NOL11: variants seen among roughly 807,000 people sequenced by gnomAD.
NOL11 encodes the protein nucleolar protein 11.
Under a neutral mutation model 93.0 loss-of-function variants are expected in NOL11, and 42 were observed. The ratio of observed to expected loss-of-function variants is 0.45; its 90% CI spans 0.35 to 0.58. The LOEUF (loss-of-function observed/expected upper bound fraction) is 0.58. Among genes scored for constraint, NOL11 ranks in the 20% least tolerant of loss-of-function variants. The pLI is 0.00. For synonymous variants in NOL11, 296 were observed against 293.7 expected (o/e 1.01, Z -0.08); for missense variants, 775 against 841.8 (o/e 0.92, Z 0.98).
At chr17:67,733,365 AAAAC>A (rs1476247471) in intron 7 of NOL11, among the ~76,000 whole-genome samples, 5 of 152,164 alleles carry the variant, frequency 3.3e-5, no homozygotes, top group South Asian at 4.1e-4. Flanking sequence ...ACTCTGTCTC[AAAAC>A]AAACAAACAA....
intron 1 of NOL11, chr17:67,719,406 G>C (rs554638128): frequency 2.9e-5 from 7 of 242,858 alleles, no homozygotes; most frequent in Non-Finnish European, 5.7e-5. Flanking sequence ...GGTTACAGGC[G>C]CACGCCACCA....
Position 67,724,183 on chromosome 17 carries a change from GA to G in NOL11, c.655del (p.Met219CysfsTer3). ...ASVDRKFISL[M>X]SLSSDGCIYE... ...CTGTAGATCGGAAATTCATCTCTTT[GA>G]TGTCATTAAGTAAGTTTTCTTTCTT... is the stretch of plus-strand genomic sequence containing the variant. On this transcript the variant is annotated frameshift_variant, in exon 6 of 18. Transcript: ENST00000253247. LOFTEE classifies it high-confidence loss of function. The G allele has an allele frequency of 6.4e-7, 1 of 1,560,166 alleles. No individual in the cohort carries two copies. Among genetic ancestry groups the G allele is most frequent in the Non-Finnish European group, 8.7e-7 (1 of 1,152,630 alleles).
At chr17:67,737,014 A>G in intron 10 of NOL11, 57 bp from the exon 11 acceptor site, 1 of 1,131,450 alleles carries the variant, frequency 8.8e-7, no homozygotes, top group South Asian at 1.3e-5. Context: ...ATCCCTCTAA[A>G]TGTGTATTGG....
At position 67,724,045 on chromosome 17, in the gene NOL11, G is replaced by A. The variant is rs1484324804; in HGVS notation, c.520-4G>A. 2 of 1,478,574 alleles carry A rather than the reference G, an allele frequency of 1.4e-6. No homozygotes were observed. Among genetic ancestry groups the A allele is most frequent in the Non-Finnish European group, 1.8e-6 (2 of 1,107,920 alleles). 91.6% of individuals were successfully genotyped at this position (1,478,574 alleles called of 1,614,324 possible). On this transcript the variant is annotated splice_region_variant and splice_polypyrimidine_tract_variant and intron_variant, in intron 5 of 17. Coordinates refer to ENST00000253247, the MANE Select transcript of NOL11 (RefSeq NM_015462.5). ...ATTTATAAAATAACCTTTTTTTTTTGCAGCATGGAAATTACTTTGCTTACG... is the reference window on the plus strand; with the variant it reads ...ATTTATAAAATAACCTTTTTTTTTTACAGCATGGAAATTACTTTGCTTACG...
intron 16 of NOL11, among the ~76,000 whole-genome samples, chr17:67,742,818 T>C (rs527386309): frequency 2.0e-5 from 3 of 152,370 alleles, no homozygotes; most frequent in Non-Finnish European, 4.4e-5. Context: ...TTCTGGTTTA[T>C]GGCAACTCAT....
In NOL11 at chr17:67,726,560, A is replaced by C. The variant is rs1373351510; in HGVS notation, c.765A>C (p.Val255=). Reference sequence around the variant, plus strand: ...AATCACTGCTGCTCAAGGCTGTTGTATCTGGTAACGCTCGAAATGGAGTTG... The same window carrying C: ...AATCACTGCTGCTCAAGGCTGTTGTCTCTGGTAACGCTCGAAATGGAGTTG... The part of the protein sequence containing the change: ...LVKSLLLKAV[V]SGNARNGVAL... The change falls in exon 7 of 18, where the codon GTA becomes GTC. Residue 255 remains valine, a synonymous_variant. Transcript: ENST00000253247. 6.2e-7 allele frequency: 1 copy of C among 1,614,048 alleles called. No homozygotes were observed. The highest frequency in any genetic ancestry group is 1.3e-5 in the African/African-American group (1 of 74,930).
At position 67,719,720 on chromosome 17, in the gene NOL11, A is replaced by G; in HGVS notation, c.188A>G (p.Gln63Arg). 1 of 1,610,656 alleles carries G rather than the reference A, an allele frequency of 6.2e-7. No homozygotes were observed. The highest frequency in any genetic ancestry group is 1.1e-5 in the South Asian group (1 of 90,840). The change falls in exon 2 of 18, where the codon CAA becomes CGA. Residue 63 changes from glutamine (Q) to arginine (R), a missense_variant. Physicochemically the swap from Gln to Arg is conservative, Grantham distance 43. Coordinates refer to ENST00000253247, the MANE Select transcript of NOL11 (RefSeq NM_015462.5). The part of the protein sequence containing the change: ...PLGSWSVKQG[Q>R]IITCPAVCNF... ...GGGAGCTGGTCAGTGAAACAAGGTC[A>G]AATTATAACATGTCCAGCTGTGTGC...
chr17:67,732,943 T>A (rs1046756258), intron 7 of NOL11, among the ~76,000 whole-genome samples: 1 of 152,116 alleles, frequency 6.6e-6, no homozygotes, highest in African/African-American at 2.4e-5. Flanking sequence ...ATGTTGATCT[T>A]GTACCCTGCA....
chr17:67,743,272 A>T, intron 16 of NOL11: 1 of 352,886 alleles, frequency 2.8e-6, no homozygotes, highest in Non-Finnish European at 5.1e-6. Flanking sequence ...CATCTCTAAA[A>T]TTTTTTTTAA....
intron 5 of NOL11, among the ~76,000 whole-genome samples, 184 bp downstream of exon 5, chr17:67,722,821 A>G (rs555365349): frequency 6.6e-6 from 1 of 152,104 alleles, no homozygotes; most frequent in Admixed American, 6.5e-5. Flanking sequence ...GTTGCCTCGT[A>G]GCTGGGACTA....
intron 5 of NOL11, among the ~76,000 whole-genome samples, chr17:67,723,003 A>C (rs1329099170): frequency 8.8e-6 from 1 of 113,436 alleles, no homozygotes; most frequent in African/African-American, 3.2e-5. Flanking sequence ...GAAATTTCAA[A>C]ACTTTTTTTT....
chr17:67,718,154 G>A (rs1290854593), intron 1 of NOL11, 66 bp downstream of exon 1: 6 of 1,581,052 alleles, frequency 3.8e-6, no homozygotes, highest in Non-Finnish European at 4.3e-6. Context: ...CGGAGCTCGA[G>A]CTCAAGTTTC....
At chr17:67,730,924 C>G (rs1049920526) in intron 7 of NOL11, among the ~76,000 whole-genome samples, 12 of 152,252 alleles carry the variant, frequency 7.9e-5, no homozygotes, top group African/African-American at 2.7e-4. Context: ...CATTCTTGCT[C>G]ACACGTGGCT....
intron 7 of NOL11, among the ~76,000 whole-genome samples, chr17:67,727,450 G>C (rs545336789): frequency 1.3e-5 from 2 of 151,804 alleles, no homozygotes; most frequent in Non-Finnish European, 2.9e-5. Context: ...TCACCTGAGG[G>C]GAGCTCGAGC....
intron 5 of NOL11, 149 bp downstream of exon 5, chr17:67,722,786 C>T: frequency 3.5e-6 from 4 of 1,128,412 alleles, no homozygotes; most frequent in Non-Finnish European, 4.8e-6. Flanking sequence ...CTGGCTCAAG[C>T]AGTCCTCCCA....
At chr17:67,724,231 T>A in intron 6 of NOL11, 38 bp downstream of exon 6, 1 of 1,213,154 alleles carries the variant, frequency 8.2e-7, no homozygotes, top group Non-Finnish European at 1.2e-6. Flanking sequence ...AGATTATAAA[T>A]AGAGGATTGT....
At chr17:67,734,470 AT>A in intron 8 of NOL11, 31 bp downstream of exon 8, 1 of 1,344,962 alleles carries the variant, frequency 7.4e-7, no homozygotes, top group Non-Finnish European at 1.1e-6. Flanking sequence ...ACTTTCTCTG[AT>A]TTAGTTATTT....
At position 67,737,063 on chromosome 17, in the gene NOL11, A is replaced by C; in HGVS notation, c.1144-8A>C. ...TTTTGTGATCCTAATCAATTTACTT[A>C]ATTCCAGTTAAGGAGACGAAAAATT... On this transcript the variant is annotated splice_polypyrimidine_tract_variant and splice_region_variant and intron_variant, in intron 10 of 17. Coordinates refer to ENST00000253247, the MANE Select transcript of NOL11 (RefSeq NM_015462.5). 6.3e-7 allele frequency: 1 copy of C among 1,577,490 alleles called. No homozygotes were observed. The highest frequency in any genetic ancestry group is 8.7e-7 in the Non-Finnish European group (1 of 1,147,232).
intron 16 of NOL11, chr17:67,740,545 G>C (rs2055246385): frequency 6.7e-6 from 1 of 149,678 alleles, no homozygotes; most frequent in African/African-American, 2.5e-5. Context: ...GGAGTTGGAG[G>C]TTGCGGTGAG....
Sources: gnomAD v4.1 joint callset for allele counts (sites outside exome capture counted in the v4.1 genomes callset) on GRCh38, gnomAD v4.1.1 for gene constraint, MANE v1.5 for transcripts, NCBI Gene and HGNC (gene_info 2026-07-23, HGNC 2026-07-21) for gene names.